The following GPR15LG variants were observed in gnomAD, a reference collection of about 807,000 sequenced individuals.
GPR15LG encodes the protein protein GPR15LG.
the GPR15LG span, among the ~76,000 whole-genome samples, chr10:84,174,724 T>C: frequency 6.6e-6 from 1 of 152,076 alleles, no homozygotes; most frequent in African/African-American, 2.4e-5. Flanking sequence ...ACTCCTAACC[T>C]CGTAATCCTC....
chr10:84,177,003 G>A, the GPR15LG span, among the ~76,000 whole-genome samples: 1 of 152,152 alleles, frequency 6.6e-6, no homozygotes, highest in Non-Finnish European at 1.5e-5. Flanking sequence ...AGAAGCTAAG[G>A]ACCAAAGCTG....
At chr10:84,184,671 C>A in the GPR15LG span, 4 of 1,613,836 alleles carry the variant, frequency 2.5e-6, no homozygotes, top group African/African-American at 5.3e-5. Context: ...CTACTCATTG[C>A]TCCTCCCAGG....
chr10:84,176,677 G>A, the GPR15LG span: 7 of 718,966 alleles, frequency 9.7e-6, no homozygotes, highest in Middle Eastern at 5.2e-4. Context: ...TCAGGCTCTG[G>A]CTGGGAGGAC....
chr10:84,178,568 TACAC>T, the GPR15LG span, among the ~76,000 whole-genome samples: 4 of 149,540 alleles, frequency 2.7e-5, no homozygotes, highest in Non-Finnish European at 5.9e-5. Flanking sequence ...GACAAGCAAT[TACAC>T]ACACACACTA....
At chr10:84,183,005 G>T in the GPR15LG span, among the ~76,000 whole-genome samples, 4 of 150,310 alleles carry the variant, frequency 2.7e-5, no homozygotes, top group South Asian at 8.4e-4. Context: ...ACTATGGGAA[G>T]ATCAAAGCAC....
chr10:84,173,865 T>G, the GPR15LG span: 1 of 1,613,686 alleles, frequency 6.2e-7, no homozygotes, highest in Non-Finnish European at 8.5e-7. Context: ...AGGCTTCTAG[T>G]CCTTTCCAGC....
chr10:84,174,106 TG>T, the GPR15LG span, among the ~76,000 whole-genome samples: 2 of 152,304 alleles, frequency 1.3e-5, no homozygotes, highest in African/African-American at 4.8e-5. Context: ...GCAGGTGGCT[TG>T]GGGGTTCCAT....
chr10:84,179,230 C>A, the GPR15LG span, among the ~76,000 whole-genome samples: 1 of 152,202 alleles, frequency 6.6e-6, no homozygotes, highest in Non-Finnish European at 1.5e-5. Context: ...ATAGAATCTG[C>A]CTCACTGGAC....
At chr10:84,184,622 G>A in the GPR15LG span, 1 of 1,548,638 alleles carries the variant, frequency 6.5e-7, no homozygotes, top group South Asian at 1.1e-5. Flanking sequence ...CCACAACCTG[G>A]CTCTGACCTC....
the GPR15LG span, chr10:84,184,996 A>G: frequency 7.3e-7 from 1 of 1,372,426 alleles, no homozygotes; most frequent in Non-Finnish European, 9.4e-7. Flanking sequence ...ACAGGGCCTC[A>G]GTCGCCACCA....
the GPR15LG span, among the ~76,000 whole-genome samples, chr10:84,174,494 C>CTT: frequency 1.7e-4 from 17 of 98,722 alleles, no homozygotes; most frequent in African/African-American, 4.2e-4. Context: ...TTTCTTTTTT[C>CTT]TTTTTTTTTT....
chr10:84,185,145 A>G, the GPR15LG span: 2 of 1,000,664 alleles, frequency 2.0e-6, no homozygotes, highest in South Asian at 6.1e-5. Context: ...AGTCTCCTCC[A>G]TCTTCAGGTC....
chr10:84,177,177 C>CA, the GPR15LG span, among the ~76,000 whole-genome samples: 13 of 152,204 alleles, frequency 8.5e-5, no homozygotes, highest in Non-Finnish European at 1.8e-4. Context: ...CCCAGAAGAG[C>CA]AAGGCTGCCC....
the GPR15LG span, among the ~76,000 whole-genome samples, chr10:84,175,445 G>A: frequency 6.6e-6 from 1 of 152,204 alleles, no homozygotes; most frequent in Non-Finnish European, 1.5e-5. Context: ...GGTATAACTT[G>A]CTACAAGTGA....
chr10:84,173,950 T>C, the GPR15LG span: 12 of 1,529,376 alleles, frequency 7.8e-6, no homozygotes, highest in Non-Finnish European at 1.1e-5. Context: ...TGCAGATCCC[T>C]GAGCAGGATT....
At chr10:84,179,554 C>A in the GPR15LG span, among the ~76,000 whole-genome samples, 1 of 152,204 alleles carries the variant, frequency 6.6e-6, no homozygotes, top group South Asian at 2.1e-4. Flanking sequence ...AATCTGGCCT[C>A]GTGTGCTCCA....
chr10:84,177,109 A>G, the GPR15LG span, among the ~76,000 whole-genome samples: 1 of 152,318 alleles, frequency 6.6e-6, no homozygotes, highest in African/African-American at 2.4e-5. Context: ...TTGGCAGGAG[A>G]TAAGGCAGCC....
the GPR15LG span, among the ~76,000 whole-genome samples, chr10:84,179,029 C>T: frequency 1.3e-4 from 20 of 152,222 alleles, no homozygotes; most frequent in African/African-American, 4.8e-4. Context: ...CAAACTGCTT[C>T]CCCTGTGGAC....
chr10:84,184,175 A>G, the GPR15LG span, among the ~76,000 whole-genome samples: 1 of 147,710 alleles, frequency 6.8e-6, no homozygotes, highest in Non-Finnish European at 1.5e-5. Flanking sequence ...AAAAAAAAAA[A>G]ACTATAAAAA....
Sources: gnomAD v4.1 joint callset for allele counts (sites outside exome capture counted in the v4.1 genomes callset) on GRCh38, gnomAD v4.1.1 for gene constraint, MANE v1.5 for transcripts, NCBI Gene and HGNC (gene_info 2026-07-23, HGNC 2026-07-21) for gene names.